Variants in PCDH9 observed in about 807,000 individuals in gnomAD.
PCDH9 encodes protocadherin 9, also known as protocadherin-9.
PCDH9 carries 24 observed loss-of-function variants against 70.6 expected under a neutral mutation model. The ratio of observed to expected loss-of-function variants is 0.34; its 90% CI spans 0.25 to 0.48. The LOEUF (loss-of-function observed/expected upper bound fraction) is 0.48, where lower values mean the gene tolerates loss of function less well. PCDH9 is among the 20% of genes least tolerant of loss of function. The pLI is 0.99. For synonymous variants in PCDH9, 562 were observed against 558.5 expected (o/e 1.01, Z -0.09); for missense variants, 1,281 against 1,503.6 (o/e 0.85, Z 2.45).
At chr13:67,045,714 T>C (rs2085210199) in intron 2 of PCDH9, among the ~76,000 whole-genome samples, 1 of 152,186 alleles carries the variant, frequency 6.6e-6, no homozygotes, top group African/African-American at 2.4e-5. Context: ...AAGTTTTCAA[T>C]GCTCTTATCA....
At chr13:67,219,655 C>A (rs1311775198) in intron 2 of PCDH9, 2 of 151,928 alleles carry the variant, frequency 1.3e-5, no homozygotes, top group Non-Finnish European at 2.9e-5. Flanking sequence ...TGATTAGAGT[C>A]ATATTTTAAT....
intron 2 of PCDH9, among the ~76,000 whole-genome samples, chr13:67,070,159 C>A (rs2085732716): frequency 6.7e-6 from 1 of 150,252 alleles, no homozygotes; most frequent in South Asian, 2.1e-4. Context: ...TTTTTTAATG[C>A]CTACATATCG....
intron 4 of PCDH9, among the ~76,000 whole-genome samples, chr13:66,577,403 A>C (rs1176914674): frequency 6.6e-6 from 1 of 151,976 alleles, no homozygotes; most frequent in Non-Finnish European, 1.5e-5. Context: ...GCATTTTTAA[A>C]ATTTAAATTT....
At chr13:67,208,156 T>C (rs960198620) in intron 2 of PCDH9, 1 of 152,212 alleles carries the variant, frequency 6.6e-6, no homozygotes, top group Non-Finnish European at 1.5e-5. Context: ...TATCTGTCCA[T>C]CTTCTAACCT....
At chr13:66,588,551 A>G (rs909246575) in intron 4 of PCDH9, among the ~76,000 whole-genome samples, 1 of 151,854 alleles carries the variant, frequency 6.6e-6, no homozygotes, top group East Asian at 1.9e-4. Context: ...CACACTTCAT[A>G]TGTTTAAACT....
intron 2 of PCDH9, among the ~76,000 whole-genome samples, chr13:66,981,572 A>T (rs2083771518): frequency 6.6e-6 from 1 of 152,158 alleles, no homozygotes; most frequent in Admixed American, 6.6e-5. Context: ...AAACTTATTG[A>T]ATTATTACAT....
At chr13:66,403,063 G>C (rs1489813991) in intron 4 of PCDH9, among the ~76,000 whole-genome samples, 1 of 150,864 alleles carries the variant, frequency 6.6e-6, no homozygotes, top group African/African-American at 2.4e-5. Flanking sequence ...AAAAAGACAG[G>C]AGAATTATTG....
chr13:66,626,177 T>C (rs1233686766), intron 4 of PCDH9, among the ~76,000 whole-genome samples: 6 of 152,026 alleles, frequency 3.9e-5, no homozygotes, highest in Non-Finnish European at 8.8e-5. Context: ...ATACATTCAG[T>C]CAACCCGGTT....
chr13:66,723,791 A>G (rs1247476840), intron 3 of PCDH9, among the ~76,000 whole-genome samples: 1 of 152,226 alleles, frequency 6.6e-6, no homozygotes, highest in African/African-American at 2.4e-5. Context: ...CAACATGCCC[A>G]GAATACTAAT....
intron 4 of PCDH9, among the ~76,000 whole-genome samples, chr13:66,449,310 C>T (rs988526564): frequency 7.9e-5 from 12 of 152,292 alleles, no homozygotes; most frequent in African/African-American, 2.9e-4. Context: ...CATGCAATGA[C>T]AAGATAAAAC....
At chr13:66,836,271 A>G (rs2081015862) in intron 3 of PCDH9, among the ~76,000 whole-genome samples, 1 of 152,200 alleles carries the variant, frequency 6.6e-6, no homozygotes, top group African/African-American at 2.4e-5. Flanking sequence ...ACCTCTCCCC[A>G]GTAGTTTAGG....
chr13:67,210,434 A>G (rs1205322408), intron 2 of PCDH9: 1 of 152,046 alleles, frequency 6.6e-6, no homozygotes, highest in Non-Finnish European at 1.5e-5. Flanking sequence ...GAGAGACTGA[A>G]CCATGTGATT....
intron 3 of PCDH9, among the ~76,000 whole-genome samples, chr13:66,691,492 T>C (rs2078485157): frequency 6.6e-6 from 1 of 152,214 alleles, no homozygotes. Context: ...GTCTTTTGTT[T>C]CAATGATGTA....
chr13:66,671,388 T>C lies in PCDH9; in HGVS notation c.3139-39977A>G, dbSNP rs922217092. ...GTAACAGGCAGAGGTTGGAACAGTT[T>C]GGAAAGATCAGAAGAAGACAGGAAA... On this transcript the variant is annotated intron_variant, in intron 3 of 4. Transcript: ENST00000377865. Among the ~76,000 whole-genome samples, 32 of 152,098 alleles carry C rather than the reference T, an allele frequency of 2.1e-4. 1 individual carries two copies. The highest frequency in any genetic ancestry group is 2.4e-5 in the African/African-American group (1 of 41,402).
chr13:66,433,843 TATGA>T (rs1957819413), intron 4 of PCDH9, among the ~76,000 whole-genome samples: 1 of 151,876 alleles, frequency 6.6e-6, no homozygotes, highest in Admixed American at 6.6e-5. Flanking sequence ...GTATTGTTCA[TATGA>T]GCATTTTCCC....
intron 3 of PCDH9, among the ~76,000 whole-genome samples, chr13:66,902,127 A>G (rs1475893655): frequency 1.3e-5 from 2 of 151,670 alleles, no homozygotes; most frequent in African/African-American, 4.8e-5. Flanking sequence ...AAGAGGAAAA[A>G]ATCAAAGGGT....
At chr13:66,730,686 T>C (rs932702619) in intron 3 of PCDH9, among the ~76,000 whole-genome samples, 2 of 151,046 alleles carry the variant, frequency 1.3e-5, no homozygotes, top group Non-Finnish European at 3.0e-5. Context: ...ATTTCCTTTT[T>C]TTTTTTTTTT....
At chr13:67,023,343 T>C (rs1467020479) in intron 2 of PCDH9, among the ~76,000 whole-genome samples, 5 of 152,202 alleles carry the variant, frequency 3.3e-5, no homozygotes, top group Non-Finnish European at 5.9e-5. Flanking sequence ...AGCAATCACA[T>C]TAGCATCCTT....
chr13:66,568,994 C>CTTTTTTTTTTTTTT lies in PCDH9; in HGVS notation c.3340+62202_3340+62215dup, dbSNP rs61067249. On this transcript the variant is annotated intron_variant, in intron 4 of 4. Coordinates refer to ENST00000377865, the MANE Select transcript of PCDH9 (RefSeq NM_203487.3). ...TAACCTTCTGTTCTTGGAAACATGT[C>CTTTTTTTTTTTTTT]TTTTTTTTTTTTTTTTTTTTTTTTT... Among the ~76,000 whole-genome samples, 30 of 58,322 alleles carry CTTTTTTTTTTTTTT rather than the reference C, an allele frequency of 5.1e-4. 5 individuals carry two copies. The highest frequency in any genetic ancestry group is 1.3e-3 in the African/African-American group (17 of 13,422). The allele number at this position is 58,322 out of a possible 152,430, so 38.3% of individuals were successfully genotyped here.
Sources: gnomAD v4.1 joint callset for allele counts (sites outside exome capture counted in the v4.1 genomes callset) on GRCh38, gnomAD v4.1.1 for gene constraint, MANE v1.5 for transcripts, NCBI Gene and HGNC (gene_info 2026-07-23, HGNC 2026-07-21) for gene names.